The following DSCAM variants were observed in gnomAD, a reference collection of about 807,000 sequenced individuals.
DSCAM encodes DS cell adhesion molecule.
A neutral mutation model predicts 217.7 loss-of-function variants in DSCAM; 47 were observed. The ratio of observed to expected loss-of-function variants is 0.22; its 90% confidence interval spans 0.17 to 0.28. The LOEUF (loss-of-function observed/expected upper bound fraction) is 0.28, where lower values mean the gene tolerates loss of function less well. Among genes scored for constraint, DSCAM ranks in the 10% least tolerant of loss-of-function variants. DSCAM has a pLI of 1.00. For missense variants in DSCAM, 2,080 were observed against 2,618.3 expected, an observed-to-expected ratio of 0.79 and a Z score of 4.49; for synonymous variants, 1,056 against 1,015.3, an observed-to-expected ratio of 1.04 and a Z score of -0.76.
At chr21:40,261,314 A>G (rs1254647850) in intron 11 of DSCAM, among the ~76,000 whole-genome samples, 2 of 152,176 alleles carry the variant, frequency 1.3e-5, no homozygotes, top group African/African-American at 2.4e-5. Context: ...ACATGATTCT[A>G]TATGTATCTG....
chr21:40,302,012 G>A (rs1470583396), intron 9 of DSCAM, among the ~76,000 whole-genome samples: 1 of 152,118 alleles, frequency 6.6e-6, no homozygotes, highest in Non-Finnish European at 1.5e-5. Context: ...CAAAACTTAT[G>A]ACAGAACAAA....
intron 3 of DSCAM, among the ~76,000 whole-genome samples, chr21:40,602,001 A>G (rs1568931559): frequency 6.7e-6 from 1 of 148,694 alleles, no homozygotes; most frequent in Non-Finnish European, 1.5e-5. Flanking sequence ...TTTTGGTTTT[A>G]GGATAATACT....
intron 1 of DSCAM, among the ~76,000 whole-genome samples, chr21:40,767,803 CTT>C (rs528236138): frequency 1.6e-3 from 245 of 152,146 alleles, no homozygotes; most frequent in Non-Finnish European, 3.1e-3. Flanking sequence ...CATTCAGGAT[CTT>C]TGAGAGGTAG....
Position 40,676,779 on chromosome 21 carries a change from G to A in DSCAM, c.508+16031C>T, listed in dbSNP as rs1161376042. Reference sequence around the variant, plus strand: ...CTTTCTTCAATATTTCATCATGCATGGTAAGCATTTGGCAATACAGATTTT... The same window carrying A: ...CTTTCTTCAATATTTCATCATGCATAGTAAGCATTTGGCAATACAGATTTT... On this transcript the variant is annotated intron_variant, in intron 3 of 32. Transcript: ENST00000400454. Among the ~76,000 whole-genome samples the A allele has an allele frequency of 2.6e-5, 4 of 152,054 alleles. No individual in the cohort carries two copies. The East Asian group carries it at 7.7e-4, about 29-fold the overall frequency.
intron 20 of DSCAM, among the ~76,000 whole-genome samples, chr21:40,116,957 G>A (rs1452994209): frequency 3.4e-5 from 4 of 119,040 alleles, no homozygotes; most frequent in African/African-American, 6.6e-5. Flanking sequence ...AGCCGAGATC[G>A]CACCATTGCA....
chr21:40,414,076 T>C (rs1288055945), intron 3 of DSCAM, among the ~76,000 whole-genome samples: 4 of 152,170 alleles, frequency 2.6e-5, no homozygotes, highest in Admixed American at 2.6e-4. Flanking sequence ...AGCAAAGATG[T>C]TTTATATGGG....
At chr21:40,039,118 GTAAC>G (rs1368487183) in intron 32 of DSCAM, among the ~76,000 whole-genome samples, 2 of 151,954 alleles carry the variant, frequency 1.3e-5, no homozygotes, top group South Asian at 2.1e-4. Context: ...GTATACATAT[GTAAC>G]TAACCTGCAC....
chr21:40,504,670 T>G (rs947581414), intron 3 of DSCAM, among the ~76,000 whole-genome samples: 3 of 152,126 alleles, frequency 2.0e-5, no homozygotes, highest in Non-Finnish European at 4.4e-5. Flanking sequence ...GCTGTGCAAC[T>G]TCTGGGGCCG....
At chr21:40,611,513 A>G (rs1212828232) in intron 3 of DSCAM, among the ~76,000 whole-genome samples, 3 of 152,114 alleles carry the variant, frequency 2.0e-5, no homozygotes, top group Non-Finnish European at 4.4e-5. Context: ...GGCACCCTCA[A>G]TTCAGACCAG....
chr21:40,185,249 G>A (rs1291272958), intron 14 of DSCAM, among the ~76,000 whole-genome samples: 1 of 152,204 alleles, frequency 6.6e-6, no homozygotes, highest in Non-Finnish European at 1.5e-5. Context: ...GTAGTAACTG[G>A]GTGGCTCAGG....
chr21:40,169,058 A>T (rs904197154), intron 15 of DSCAM, among the ~76,000 whole-genome samples: 4 of 152,234 alleles, frequency 2.6e-5, no homozygotes, highest in African/African-American at 9.6e-5. Flanking sequence ...AACAACAACA[A>T]CAAAAGGTAA....
intron 3 of DSCAM, among the ~76,000 whole-genome samples, chr21:40,501,874 G>C (rs966968883): frequency 2.0e-5 from 3 of 152,224 alleles, no homozygotes; most frequent in Non-Finnish European, 4.4e-5. Context: ...GATTATAGGC[G>C]TGAGCCACAG....
chr21:40,251,103 A>G (rs942584709), intron 11 of DSCAM, among the ~76,000 whole-genome samples: 20 of 152,142 alleles, frequency 1.3e-4, no homozygotes, highest in Non-Finnish European at 2.5e-4. Flanking sequence ...TGGTGGAGGG[A>G]GCTATGCTGC....
intron 3 of DSCAM, among the ~76,000 whole-genome samples, chr21:40,380,565 A>G (rs2075009780): frequency 6.6e-6 from 1 of 152,170 alleles, no homozygotes; most frequent in East Asian, 1.9e-4. Flanking sequence ...TAAAGAGAAG[A>G]GCTGTTTAGA....
chr21:40,107,224 A>G (rs1291745499), intron 20 of DSCAM, among the ~76,000 whole-genome samples: 1 of 152,048 alleles, frequency 6.6e-6, no homozygotes, highest in Admixed American at 6.6e-5. Context: ...TAATTTCATT[A>G]TTTACCCCCA....
intron 3 of DSCAM, among the ~76,000 whole-genome samples, chr21:40,606,523 T>G (rs34800478): frequency 6.6e-6 from 1 of 152,084 alleles, no homozygotes; most frequent in Non-Finnish European, 1.5e-5. Flanking sequence ...CTGGCTAACA[T>G]TGGCTGGCTT....
At chr21:40,212,378 T>C (rs2091194436) in intron 11 of DSCAM, 1 of 154,126 alleles carries the variant, frequency 6.5e-6, no homozygotes, top group African/African-American at 2.4e-5. Context: ...TGAACATGAA[T>C]TTAGTTTTGA....
chr21:40,602,973 A>C (rs2077073922), intron 3 of DSCAM, among the ~76,000 whole-genome samples: 1 of 410 alleles, frequency 2.4e-3, no homozygotes. Context: ...CAATGTTATA[A>C]GTTTTCTGTG....
At chr21:40,109,593 C>T (rs557689609) in intron 20 of DSCAM, among the ~76,000 whole-genome samples, 4 of 152,296 alleles carry the variant, frequency 2.6e-5, no homozygotes, top group East Asian at 1.9e-4. Context: ...TGCAGCGCAC[C>T]GAGCATGAGG....
Sources: gnomAD v4.1 joint callset for allele counts (sites outside exome capture counted in the v4.1 genomes callset) on GRCh38, gnomAD v4.1.1 for gene constraint, MANE v1.5 for transcripts, NCBI Gene and HGNC (gene_info 2026-07-23, HGNC 2026-07-21) for gene names.